CFDP1: variants seen among roughly 807,000 people sequenced by gnomAD.
The protein encoded by CFDP1 is heterochromatin-stabilizing protein CFDP1.
In CFDP1, 31 loss-of-function variants were observed where a neutral mutation model predicts 40.1. The observed-to-expected ratio is 0.77, with a 90% confidence interval of 0.58 to 1.04. CFDP1 has a LOEUF of 1.04. Among genes scored for constraint, CFDP1 ranks in the 50% least tolerant of loss-of-function variants. The pLI, the probability that CFDP1 is intolerant of heterozygous loss-of-function variation, is 0.00. For missense variants in CFDP1, 423 were observed against 343.4 expected, an observed-to-expected ratio of 1.23 and a Z score of -1.83; for synonymous variants, 167 against 120.0, an observed-to-expected ratio of 1.39 and a Z score of -2.56.
intron 6 of CFDP1, among the ~76,000 whole-genome samples, chr16:75,295,822 T>C (rs2078178232): frequency 6.6e-6 from 1 of 152,174 alleles, no homozygotes; most frequent in Non-Finnish European, 1.5e-5. Context: ...TGGACCCCTT[T>C]AGATAAAAAG....
At chr16:75,353,332 G>T (rs887875458) in intron 5 of CFDP1, among the ~76,000 whole-genome samples, 1 of 152,056 alleles carries the variant, frequency 6.6e-6, no homozygotes, top group African/African-American at 2.4e-5. Context: ...AAAAAGAAGA[G>T]ATACATACTG....
intron 1 of CFDP1, among the ~76,000 whole-genome samples, chr16:75,424,369 G>A (rs1026063479): frequency 6.6e-6 from 1 of 152,128 alleles, no homozygotes; most frequent in Non-Finnish European, 1.5e-5. Context: ...GGGTTTAAAC[G>A]GCAGGCAGAC....
In CFDP1 at chr16:75,367,898, A is replaced by C. The variant is rs528935058; in HGVS notation, c.650+27192T>G. 6.6e-4 allele frequency among the ~76,000 whole-genome samples: 101 copies of C among 152,108 alleles called. 1 individual carries two copies. Among genetic ancestry groups the C allele is most frequent in the Non-Finnish European group, 6.8e-4 (46 of 67,978 alleles). On this transcript the variant is annotated intron_variant, in intron 5 of 6. Coordinates refer to ENST00000283882, the MANE Select transcript of CFDP1 (RefSeq NM_006324.3). ...GGCAGGTGGATCACTTGAGGTCAGG[A>C]GTTCGAGACCAGCCCAGCCAACATG...
intron 5 of CFDP1, among the ~76,000 whole-genome samples, chr16:75,332,531 G>C (rs1339839344): frequency 6.6e-6 from 1 of 151,658 alleles, no homozygotes; most frequent in African/African-American, 2.4e-5. Context: ...GCTCGATGTG[G>C]TGGTGCTTGT....
intron 5 of CFDP1, among the ~76,000 whole-genome samples, chr16:75,332,376 A>C (rs1182820041): frequency 6.6e-6 from 1 of 152,132 alleles, no homozygotes; most frequent in African/African-American, 2.4e-5. Context: ...GAGGCAGGAG[A>C]ATCACTTGAG....
chr16:75,423,243 T>C (rs2079299752), intron 1 of CFDP1, among the ~76,000 whole-genome samples: 1 of 143,204 alleles, frequency 7.0e-6, no homozygotes, highest in African/African-American at 2.6e-5. Context: ...ATGGTGCCAC[T>C]GCACGCCAGC....
chr16:75,422,744 G>A (rs1261814082), intron 1 of CFDP1, among the ~76,000 whole-genome samples: 1 of 152,018 alleles, frequency 6.6e-6, no homozygotes, highest in Non-Finnish European at 1.5e-5. Flanking sequence ...GTTTTTAGAG[G>A]TTAAGGCAGA....
In CFDP1 at chr16:75,305,023, C is replaced by T. The variant is rs1410283284; in HGVS notation, c.809+1G>A. On this transcript the variant is annotated splice_donor_variant, in intron 6 of 6. Coordinates refer to ENST00000283882, the MANE Select transcript of CFDP1 (RefSeq NM_006324.3). LOFTEE classifies it high-confidence loss of function. ...AAGGCATAAAACCTACTCCTTCTTA[C>T]CCCTCTTTCCCTCGATTATGGATGG... The T allele has an allele frequency of 6.2e-7, 1 of 1,613,208 alleles. No homozygotes were observed. The highest frequency in any genetic ancestry group is 1.7e-5 in the Admixed American group (1 of 59,910).
intron 5 of CFDP1, among the ~76,000 whole-genome samples, chr16:75,383,056 A>C (rs933523630): frequency 2.6e-5 from 4 of 152,260 alleles, no homozygotes; most frequent in African/African-American, 9.6e-5. Context: ...CTAGGTCTAA[A>C]GATGAATGTT....
chr16:75,309,158 C>T (rs917511498), intron 5 of CFDP1, among the ~76,000 whole-genome samples: 1 of 152,162 alleles, frequency 6.6e-6, no homozygotes, highest in East Asian at 1.9e-4. Flanking sequence ...TTTGTGGGCT[C>T]CCTCAGGGTT....
At chr16:75,343,314 T>A (rs554041628) in intron 5 of CFDP1, among the ~76,000 whole-genome samples, 16 of 152,176 alleles carry the variant, frequency 1.1e-4, no homozygotes, top group African/African-American at 3.9e-4. Context: ...ACATGCATGT[T>A]CTCTCTTGCT....
At chr16:75,334,840 C>T (rs1019687143) in intron 5 of CFDP1, among the ~76,000 whole-genome samples, 2 of 151,738 alleles carry the variant, frequency 1.3e-5, no homozygotes, top group African/African-American at 4.8e-5. Flanking sequence ...CTGTAATCCC[C>T]GCTACTTGGG....
chr16:75,332,793 A>T (rs1163830848), intron 5 of CFDP1, among the ~76,000 whole-genome samples: 7 of 146,412 alleles, frequency 4.8e-5, no homozygotes, highest in Non-Finnish European at 7.5e-5. Context: ...TTGCCTATTC[A>T]TGTTCTTTTT....
Position 75,312,342 on chromosome 16 carries a change from C to A in CFDP1, c.651-7160G>T, listed in dbSNP as rs9923574. On this transcript the variant is annotated intron_variant, in intron 5 of 6. Transcript: ENST00000283882. ...CAAGAAGTTCCAAAGATTTTTAAAC[C>A]TTTTGTGGCTTGAAAAATTGTCAGT... is the stretch of plus-strand genomic sequence containing the variant. 5.9e-5 allele frequency among the ~76,000 whole-genome samples: 9 copies of A among 152,102 alleles called. No individual in the cohort carries two copies. In the East Asian group the frequency reaches 1.7e-3, roughly 29 times the overall value.
intron 5 of CFDP1, among the ~76,000 whole-genome samples, chr16:75,361,320 A>G (rs1229183606): frequency 1.3e-5 from 2 of 152,138 alleles, no homozygotes; most frequent in Non-Finnish European, 2.9e-5. Flanking sequence ...CAAGTCAGAT[A>G]TTGTTTAAAT....
intron 5 of CFDP1, among the ~76,000 whole-genome samples, chr16:75,319,413 T>A (rs942126634): frequency 6.6e-6 from 1 of 152,180 alleles, no homozygotes; most frequent in Non-Finnish European, 1.5e-5. Context: ...TGGACACAGC[T>A]GTGATCCTTG....
At chr16:75,322,539 G>A (rs1202801829) in intron 5 of CFDP1, among the ~76,000 whole-genome samples, 5 of 152,124 alleles carry the variant, frequency 3.3e-5, no homozygotes, top group Admixed American at 3.3e-4. Flanking sequence ...AGTACTGTAG[G>A]CAACTGTAAC....
chr16:75,372,686 C>T (rs759235880), intron 5 of CFDP1: 2 of 152,180 alleles, frequency 1.3e-5, no homozygotes, highest in Non-Finnish European at 2.9e-5. Context: ...ACTCTTCCTC[C>T]CAGGTTTTGT....
At chr16:75,372,830 A>T (rs937903076) in intron 5 of CFDP1, among the ~76,000 whole-genome samples, 1 of 152,220 alleles carries the variant, frequency 6.6e-6, no homozygotes, top group African/African-American at 2.4e-5. Context: ...GTCTAATTTA[A>T]ATCCTAAATA....
Sources: gnomAD v4.1 joint callset for allele counts (sites outside exome capture counted in the v4.1 genomes callset) on GRCh38, gnomAD v4.1.1 for gene constraint, MANE v1.5 for transcripts, NCBI Gene and HGNC (gene_info 2026-07-23, HGNC 2026-07-21) for gene names.